MIS18A: variants seen among roughly 807,000 people sequenced by gnomAD.
MIS18A encodes protein Mis18-alpha.
Under a neutral mutation model 25.0 loss-of-function variants are expected in MIS18A, and 14 were observed. The observed-to-expected ratio is 0.56, with a 90% confidence interval of 0.37 to 0.88. The LOEUF is 0.88. Among genes scored for constraint, MIS18A ranks in the 40% least tolerant of loss-of-function variants. The probability of loss-of-function intolerance (pLI) is 0.00; values close to 1 mark genes in which losing one functional copy is unlikely to be tolerated. For missense variants in MIS18A, 292 were observed against 290.8 expected (o/e 1.00, Z -0.03); for synonymous variants, 134 against 118.6 (o/e 1.13, Z -0.84).
intron 2 of MIS18A, 28 bp from the exon 3 acceptor site, chr21:32,270,557 GAA>G: frequency 6.7e-7 from 1 of 1,501,256 alleles, no homozygotes; most frequent in South Asian, 1.4e-5. Flanking sequence ...CTTGCTTTAG[GAA>G]ACGAAGCAGC....
chr21:32,256,705 T>G, the MIS18A span, among the ~76,000 whole-genome samples: 3 of 152,192 alleles, frequency 2.0e-5, no homozygotes, highest in Non-Finnish European at 2.9e-5. Context: ...ATGCTAATCT[T>G]TCTTGTACTC....
the MIS18A span, among the ~76,000 whole-genome samples, chr21:32,194,429 TG>T: frequency 1.3e-5 from 2 of 151,768 alleles, no homozygotes; most frequent in African/African-American, 2.4e-5. Context: ...GGAAGCTGAG[TG>T]GGGCGGATTA....
chr21:32,237,336 T>C, the MIS18A span, among the ~76,000 whole-genome samples: 1 of 152,188 alleles, frequency 6.6e-6, no homozygotes, highest in Non-Finnish European at 1.5e-5. Flanking sequence ...AGGTTGCTGA[T>C]GTGTTAGCAC....
the MIS18A span, among the ~76,000 whole-genome samples, chr21:32,202,916 G>A: frequency 2.4e-3 from 370 of 152,222 alleles, 3 homozygotes; most frequent in African/African-American, 8.3e-3. Flanking sequence ...TTTGGCTATC[G>A]TGAATAATGC....
chr21:32,224,971 G>A, the MIS18A span, among the ~76,000 whole-genome samples: 10 of 128,874 alleles, frequency 7.8e-5, no homozygotes, highest in South Asian at 2.9e-4. Context: ...CAGAAATAAC[G>A]CCGCATACCT....
the MIS18A span, among the ~76,000 whole-genome samples, chr21:32,167,829 GT>G: frequency 6.6e-6 from 1 of 152,178 alleles, no homozygotes; most frequent in Non-Finnish European, 1.5e-5. Context: ...AAAAAAGTCT[GT>G]TTAACTGCCT....
chr21:32,201,470 T>A, the MIS18A span, among the ~76,000 whole-genome samples: 4 of 152,168 alleles, frequency 2.6e-5, no homozygotes, highest in South Asian at 8.3e-4. Context: ...CCTCCAGTAT[T>A]GACATTTTGG....
the MIS18A span, among the ~76,000 whole-genome samples, chr21:32,205,400 C>T: frequency 6.6e-6 from 1 of 152,078 alleles, no homozygotes; most frequent in Non-Finnish European, 1.5e-5. Flanking sequence ...TCCTTCTTAT[C>T]TGTCTCATTC....
At chr21:32,178,135 A>T in the MIS18A span, among the ~76,000 whole-genome samples, 1 of 151,706 alleles carries the variant, frequency 6.6e-6, no homozygotes, top group Non-Finnish European at 1.5e-5. Flanking sequence ...GCCCAGGCTG[A>T]TCTCAAACTC....
chr21:32,191,317 T>C, the MIS18A span, among the ~76,000 whole-genome samples: 1 of 152,218 alleles, frequency 6.6e-6, no homozygotes, highest in Non-Finnish European at 1.5e-5. Flanking sequence ...TGGCTGGGCA[T>C]GGTGGCTCAC....
downstream of MIS18A, among the ~76,000 whole-genome samples, chr21:32,266,202 G>T (rs1272128817): frequency 6.6e-6 from 1 of 152,242 alleles, no homozygotes; most frequent in East Asian, 1.9e-4. Flanking sequence ...TGCTCTGGTG[G>T]GGCCTTGGAG....
chr21:32,178,582 T>C, the MIS18A span, among the ~76,000 whole-genome samples: 4 of 152,224 alleles, frequency 2.6e-5, no homozygotes, highest in Non-Finnish European at 4.4e-5. Context: ...AATGTTGTCT[T>C]GATGATTTTG....
the MIS18A span, among the ~76,000 whole-genome samples, chr21:32,164,209 T>C: frequency 3.3e-5 from 5 of 152,062 alleles, no homozygotes; most frequent in African/African-American, 9.7e-5. Flanking sequence ...ATCCAAACCA[T>C]AGCAGTGGTC....
At chr21:32,180,543 G>A in the MIS18A span, among the ~76,000 whole-genome samples, 18 of 152,210 alleles carry the variant, frequency 1.2e-4, no homozygotes, top group East Asian at 1.7e-3. Flanking sequence ...TGCAATACAC[G>A]TTCTTGTGCA....
the MIS18A span, among the ~76,000 whole-genome samples, chr21:32,212,921 T>C: frequency 4.9e-4 from 75 of 152,344 alleles, no homozygotes; most frequent in African/African-American, 1.8e-3. Context: ...GTGAGTCCAT[T>C]AAACCTCTTT....
At chr21:32,269,675 A>T (rs2031676986) in intron 4 of MIS18A, 32 bp downstream of exon 4, 1 of 1,326,326 alleles carries the variant, frequency 7.5e-7, no homozygotes, top group South Asian at 1.2e-5. Context: ...AACTGTTCAT[A>T]CAAAGATATA....
the MIS18A span, among the ~76,000 whole-genome samples, chr21:32,242,027 C>T: frequency 5.9e-5 from 9 of 152,294 alleles, no homozygotes; most frequent in Admixed American, 1.3e-4. Flanking sequence ...TACAGGCGCC[C>T]GCCACCACGC....
chr21:32,198,523 C>T, the MIS18A span, among the ~76,000 whole-genome samples: 23 of 152,284 alleles, frequency 1.5e-4, no homozygotes, highest in African/African-American at 3.9e-4. Context: ...ATGCTGCCAC[C>T]GCCTCCCCTC....
chr21:32,205,491 T>A, the MIS18A span, among the ~76,000 whole-genome samples: 5 of 152,118 alleles, frequency 3.3e-5, no homozygotes, highest in African/African-American at 1.2e-4. Flanking sequence ...ATTTTCATTT[T>A]TCCCCCACCC....
Sources: allele counts gnomAD v4.1 joint callset (sites outside exome capture counted in the v4.1 genomes callset), GRCh38; gene constraint gnomAD v4.1.1; transcripts MANE v1.5; gene names NCBI Gene and HGNC (gene_info 2026-07-23, HGNC 2026-07-21).